Variants in PDGFD observed in about 807,000 individuals in gnomAD.
PDGFD encodes platelet-derived growth factor D.
Under a neutral mutation model 44.7 loss-of-function variants are expected in PDGFD, and 30 were observed. The ratio of observed to expected loss-of-function variants is 0.67; its 90% confidence interval spans 0.50 to 0.91. The LOEUF (loss-of-function observed/expected upper bound fraction) is 0.91, where lower values mean the gene tolerates loss of function less well. PDGFD is among the 40% of genes least tolerant of loss of function. The pLI is 0.00. For synonymous variants in PDGFD, 173 were observed against 168.4 expected (o/e 1.03, Z -0.21); for missense variants, 445 against 457.8 (o/e 0.97, Z 0.25).
intron 5 of PDGFD, among the ~76,000 whole-genome samples, chr11:103,933,428 A>G (rs759099701): frequency 1.3e-5 from 2 of 152,260 alleles, no homozygotes; most frequent in Non-Finnish European, 2.9e-5. Flanking sequence ...CAATTATTTT[A>G]TAAGTTTTAA....
chr11:104,106,300 AT>A (rs1201388245), intron 1 of PDGFD, among the ~76,000 whole-genome samples: 1 of 152,136 alleles, frequency 6.6e-6, no homozygotes, highest in Non-Finnish European at 1.5e-5. Flanking sequence ...ATATGTTCAC[AT>A]TTTTTTAGCT....
chr11:104,095,946 C>T (rs931167096), intron 1 of PDGFD, among the ~76,000 whole-genome samples: 1 of 152,102 alleles, frequency 6.6e-6, no homozygotes, highest in South Asian at 2.1e-4. Context: ...TATTCCACAG[C>T]CTGTACTTTG....
At chr11:104,038,308 A>G (rs1169968315) in intron 1 of PDGFD, 1 of 334,612 alleles carries the variant, frequency 3.0e-6, no homozygotes, top group East Asian at 5.6e-5. Flanking sequence ...TAGAGACACT[A>G]TCCTATCAGA....
intron 3 of PDGFD, among the ~76,000 whole-genome samples, chr11:103,980,213 A>G (rs1859247911): frequency 6.6e-6 from 1 of 152,056 alleles, no homozygotes; most frequent in African/African-American, 2.4e-5. Context: ...GGAAAAAAGA[A>G]AATGCCAGAA....
intron 1 of PDGFD, among the ~76,000 whole-genome samples, chr11:104,090,250 T>C (rs1174785103): frequency 6.6e-6 from 1 of 152,188 alleles, no homozygotes; most frequent in Admixed American, 6.6e-5. Flanking sequence ...TGGATTTGTT[T>C]ATTCCAAGCC....
intron 3 of PDGFD, among the ~76,000 whole-genome samples, chr11:103,986,052 G>C (rs143347845): frequency 8.5e-4 from 129 of 152,238 alleles, no homozygotes; most frequent in Middle Eastern, 6.8e-3. Context: ...GATTCACTTT[G>C]AATCCGTAGC....
At chr11:103,918,847 G>C (rs890759734) in intron 6 of PDGFD, among the ~76,000 whole-genome samples, 3 of 152,086 alleles carry the variant, frequency 2.0e-5, no homozygotes, top group African/African-American at 7.2e-5. Context: ...CTGATTTGAG[G>C]GCATGTAGAA....
At chr11:104,053,050 T>C (rs1454917966) in intron 1 of PDGFD, among the ~76,000 whole-genome samples, 2 of 152,224 alleles carry the variant, frequency 1.3e-5, no homozygotes, top group Non-Finnish European at 2.9e-5. Context: ...TTATTCAGTT[T>C]ATATGCTCAT....
intron 1 of PDGFD, among the ~76,000 whole-genome samples, chr11:104,071,954 T>C (rs1591149390): frequency 6.6e-6 from 1 of 151,976 alleles, no homozygotes; most frequent in East Asian, 1.9e-4. Flanking sequence ...TATATATTCA[T>C]GTGTCTGTGC....
intron 3 of PDGFD, among the ~76,000 whole-genome samples, chr11:103,956,427 T>C (rs1858850801): frequency 7.9e-6 from 1 of 126,964 alleles, no homozygotes; most frequent in Non-Finnish European, 1.6e-5. Flanking sequence ...TTCCATGGTG[T>C]ATATGTGCCA....
chr11:104,019,009 G>A (rs1859908269), intron 1 of PDGFD, among the ~76,000 whole-genome samples: 2 of 152,104 alleles, frequency 1.3e-5, no homozygotes, highest in Non-Finnish European at 2.9e-5. Flanking sequence ...TGCAGAGGGT[G>A]TCCTCTGCAA....
At chr11:104,075,338 C>T (rs1056160133) in intron 1 of PDGFD, among the ~76,000 whole-genome samples, 3 of 150,944 alleles carry the variant, frequency 2.0e-5, no homozygotes, top group African/African-American at 7.3e-5. Context: ...TGGCAAAATA[C>T]AGGAAGTATA....
At chr11:103,947,530 A>G in intron 4 of PDGFD, 132 bp downstream of exon 4, 2 of 690,448 alleles carry the variant, frequency 2.9e-6, no homozygotes, top group Non-Finnish European at 5.2e-6. Flanking sequence ...AATGAAATGG[A>G]GAAACACATC....
intron 1 of PDGFD, among the ~76,000 whole-genome samples, chr11:104,026,098 A>G (rs530544332): frequency 6.6e-6 from 1 of 152,220 alleles, no homozygotes; most frequent in South Asian, 2.1e-4. Flanking sequence ...TGGCTGTAAC[A>G]CTATCTTCTC....
intron 1 of PDGFD, among the ~76,000 whole-genome samples, chr11:104,154,676 A>G (rs1862283076): frequency 6.6e-6 from 1 of 152,234 alleles, no homozygotes; most frequent in Non-Finnish European, 1.5e-5. Flanking sequence ...GGAAAAGTTT[A>G]AAGATAGAAG....
intron 1 of PDGFD, among the ~76,000 whole-genome samples, chr11:104,102,925 T>C (rs1861414662): frequency 6.6e-6 from 1 of 151,986 alleles, no homozygotes. Context: ...CTAGGGCCTG[T>C]TGTGGGCTGG....
intron 1 of PDGFD, among the ~76,000 whole-genome samples, chr11:104,146,831 G>A (rs1330202097): frequency 6.6e-6 from 1 of 151,532 alleles, no homozygotes; most frequent in Non-Finnish European, 1.5e-5. Context: ...GAGCCAGAGG[G>A]GAATAAAAGA....
chr11:104,144,521 A>C (rs1227948636), intron 1 of PDGFD, among the ~76,000 whole-genome samples: 1 of 145,696 alleles, frequency 6.9e-6, no homozygotes, highest in East Asian at 2.0e-4. Flanking sequence ...AAAAAAAAAA[A>C]AAAAAAACCC....
At chr11:104,061,020 A>C (rs1293529989) in intron 1 of PDGFD, among the ~76,000 whole-genome samples, 1 of 152,086 alleles carries the variant, frequency 6.6e-6, no homozygotes, top group East Asian at 1.9e-4. Context: ...TCCTTCCCAC[A>C]GGCCCTGGTA....
Sources: gnomAD v4.1 joint callset for allele counts (sites outside exome capture counted in the v4.1 genomes callset) on GRCh38, gnomAD v4.1.1 for gene constraint, MANE v1.5 for transcripts, NCBI Gene and HGNC (gene_info 2026-07-23, HGNC 2026-07-21) for gene names.